The following POLE variants were observed in gnomAD, a reference collection of about 807,000 sequenced individuals.
POLE encodes the protein DNA polymerase epsilon, catalytic subunit.
In POLE, 188 loss-of-function variants were observed where a neutral mutation model predicts 279.2. That is an observed-to-expected ratio of 0.67 (90% CI 0.60 to 0.76). The LOEUF (loss-of-function observed/expected upper bound fraction) is 0.76. Among genes scored for constraint, POLE ranks in the 30% least tolerant of loss-of-function variants. POLE has a pLI of 0.00. For synonymous variants in POLE, 1,214 were observed against 1,172.5 expected (o/e 1.04, Z -0.72); for missense variants, 2,703 against 3,016.7 (o/e 0.90, Z 2.44).
At chr12:132,646,497 T>C (rs1200144348) in intron 32 of POLE, among the ~76,000 whole-genome samples, 1 of 148,262 alleles carries the variant, frequency 6.7e-6, no homozygotes, top group Non-Finnish European at 1.5e-5. Flanking sequence ...TCAAATAACA[T>C]CATTTTGTTC....
Position 132,673,296 on chromosome 12 carries a change from A to C in POLE, c.1360-19T>G, listed in dbSNP as rs2135997291. Reference sequence around the variant, plus strand: ...CCAGAGTCTGAGGAGAGAACGCCAGAGAGCAGGGCCATCAAAAATCAAGAG... The same window carrying C: ...CCAGAGTCTGAGGAGAGAACGCCAGCGAGCAGGGCCATCAAAAATCAAGAG... On this transcript the variant is annotated intron_variant, in intron 13 of 48. Transcript: ENST00000320574. The C allele has an allele frequency of 6.6e-7, 1 of 1,513,928 alleles. No homozygotes were observed. 93.8% of individuals were successfully genotyped at this position (1,513,928 alleles called of 1,614,324 possible). A position where few individuals can be genotyped will look rare whatever the true frequency, so the allele number is the denominator to read the frequency against.
At chr12:132,631,381 G>T (rs4883626) in intron 45 of POLE, among the ~76,000 whole-genome samples, 2 of 152,012 alleles carry the variant, frequency 1.3e-5, no homozygotes, top group African/African-American at 4.8e-5. Context: ...AAAAATCACA[G>T]AACTGCACGC....
At chr12:132,667,447 G>A (rs1593789717) in intron 20 of POLE, 56 bp downstream of exon 20, 1 of 1,589,480 alleles carries the variant, frequency 6.3e-7, no homozygotes, top group Admixed American at 1.7e-5. Context: ...CCCACTTCAT[G>A]AGCCGACTGA....
chr12:132,632,280 G>A (rs923238713), intron 45 of POLE, 35 bp downstream of exon 45: 2 of 1,536,930 alleles, frequency 1.3e-6, no homozygotes, highest in Admixed American at 1.7e-5. Flanking sequence ...ATGTACGTTA[G>A]TGTCCTCTCC....
At chr12:132,651,278 T>C (rs1191680059) in intron 29 of POLE, 1 of 152,366 alleles carries the variant, frequency 6.6e-6, no homozygotes, top group Admixed American at 6.5e-5. Context: ...TGATTTATCA[T>C]ATAAACACAT....
intron 20 of POLE, among the ~76,000 whole-genome samples, chr12:132,667,098 G>A (rs998369424): frequency 5.3e-5 from 8 of 152,106 alleles, no homozygotes; most frequent in South Asian, 2.1e-4. Flanking sequence ...AGTTAAACAC[G>A]AGGGGCCGGA....
chr12:132,645,574 A>C (rs769667575), intron 32 of POLE, among the ~76,000 whole-genome samples: 1 of 152,240 alleles, frequency 6.6e-6, no homozygotes, highest in Admixed American at 6.5e-5. Context: ...GGGCACTGGA[A>C]TTAACCGTGT....
chr12:132,675,349 T>C lies in POLE; in HGVS notation c.1226+49A>G. On this transcript the variant is annotated intron_variant, in intron 12 of 48. Transcript: ENST00000320574. This position sits in a 1 kb window ranked among gnomAD's most constrained non-coding sequence, Gnocchi z 4.3. Reference sequence around the variant, plus strand: ...GCACAGTCTGCAAGAGGCCTTCAGATCTCGCTCACGGACAGCAGTGAGGAG... The same window carrying C: ...GCACAGTCTGCAAGAGGCCTTCAGACCTCGCTCACGGACAGCAGTGAGGAG... 1 of 1,597,974 alleles carries C rather than the reference T, an allele frequency of 6.3e-7. No homozygotes were observed.
In POLE at chr12:132,634,309, C is replaced by T. The variant is rs751554656; in HGVS notation, c.5881G>A (p.Gly1961Arg). ...ENEDDEEERDGEEEEEAEESN... is the reference protein window; with the variant it reads ...ENEDDEEERDREEEEEAEESN... ...TCCTCCGCCTCTTCCTCCTCCTCCC[C>T]ATCTCTTTCCTCCTCATCGTCCTCA... The change falls in exon 43 of 49, where the codon GGG becomes AGG. Residue 1961 changes from glycine to arginine, a missense_variant. Gly to Arg is a moderately radical substitution (Grantham distance 125). Coordinates refer to ENST00000320574, the MANE Select transcript of POLE (RefSeq NM_006231.4). The surrounding 1 kb of genome is among the most constrained non-coding windows in gnomAD (Gnocchi z 4.0). 6.2e-7 allele frequency: 1 copy of T among 1,614,192 alleles called. No individual in the cohort carries two copies. The highest frequency in any genetic ancestry group is 8.5e-7 in the Non-Finnish European group (1 of 1,180,004).
Position 132,634,330 on chromosome 12 carries a change from C to A in POLE, c.5860G>T (p.Asp1954Tyr), listed in dbSNP as rs1262379825. 4 of 1,614,172 alleles carry A rather than the reference C, an allele frequency of 2.5e-6. No individual in the cohort carries two copies. The Admixed American group carries it at 6.7e-5, about 27-fold the overall frequency. Residue 1954 changes from aspartate (D) to tyrosine (Y), a missense_variant, in exon 43 of 49, where the codon GAC (aspartate) becomes TAC (tyrosine). By Grantham distance (160) the Asp-to-Tyr change is radical. This residue lies in a region of POLE where 1,551 missense variants were observed against 1,686.1 expected (regional missense o/e 0.92). Transcript: ENST00000320574. This position sits in a 1 kb window ranked among gnomAD's most constrained non-coding sequence, Gnocchi z 4.0. The part of the protein sequence containing the change: ...GGAEDEQENE[D>Y]DEEERDGEEE... ...TCCCCATCTCTTTCCTCCTCATCGTCCTCATTTTCCTGCTCATCCTCTGCT... is the reference window on the plus strand; with the variant it reads ...TCCCCATCTCTTTCCTCCTCATCGTACTCATTTTCCTGCTCATCCTCTGCT...
In POLE at chr12:132,649,324, A is replaced by G. The variant is rs1555223929; in HGVS notation, c.3987T>C (p.Leu1329=). 1.9e-6 allele frequency: 3 copies of G among 1,613,518 alleles called. No individual in the cohort carries two copies. In the Admixed American group the frequency reaches 5.0e-5, roughly 27 times the overall value. ...TCTATACCTGCACAATCTGCCACGG[A>G]AGGTCCAGGATGCTGCGGGCAGTTC... is the stretch of plus-strand genomic sequence containing the variant. ...LRRTARSILD[L]PWQIVQISET... is the part of the protein sequence containing the mutation. Residue 1329 remains leucine (L), a synonymous_variant, in exon 31 of 49, where the codon CTT becomes CTC. Transcript: ENST00000320574.
intron 16 of POLE, among the ~76,000 whole-genome samples, chr12:132,671,552 C>T (rs2042927862): frequency 6.6e-6 from 1 of 151,350 alleles, no homozygotes; most frequent in Admixed American, 6.6e-5. Flanking sequence ...GCCTGTAATC[C>T]CAGCTACTGG....
At chr12:132,625,530 C>G in intron 47 of POLE, 115 bp downstream of exon 47, 1 of 1,354,506 alleles carries the variant, frequency 7.4e-7, no homozygotes, top group Non-Finnish European at 1.0e-6. Flanking sequence ...AGGGCAGGCC[C>G]CTTGGAAGAC....
rs373808043 is a variant in POLE at position 132,664,955 on chromosome 12, G to C, written c.2468+347C>G. Among the ~76,000 whole-genome samples, 15 of 148,532 alleles carry C rather than the reference G, an allele frequency of 1.0e-4. No homozygotes were observed. The East Asian group carries it at 1.4e-3, about 14-fold the overall frequency. On this transcript the variant is annotated intron_variant, in intron 21 of 48. Coordinates refer to ENST00000320574, the MANE Select transcript of POLE (RefSeq NM_006231.4). The surrounding 1 kb of genome is among the most constrained non-coding windows in gnomAD (Gnocchi z 5.3). Reference sequence around the variant, plus strand: ...CTTCTCTGCCCCTCCCGGACACGCAGACATGCTGTGAAGCAACTGCCCGAC... The same window carrying C: ...CTTCTCTGCCCCTCCCGGACACGCACACATGCTGTGAAGCAACTGCCCGAC...
At position 132,668,010 on chromosome 12, in the gene POLE, G is replaced by A. The variant is rs2042834894; in HGVS notation, c.2173+346C>T. 6.6e-6 allele frequency among the ~76,000 whole-genome samples: 1 copy of A among 152,088 alleles called. No homozygotes were observed. The highest frequency in any genetic ancestry group is 2.4e-5 in the African/African-American group (1 of 41,380). On this transcript the variant is annotated intron_variant, in intron 19 of 48. Coordinates refer to ENST00000320574, the MANE Select transcript of POLE (RefSeq NM_006231.4). The surrounding 1 kb of genome is among the most constrained non-coding windows in gnomAD (Gnocchi z 4.0). ...AGATGGGAGGATTGCCGGTGCCTGG[G>A]AGGTTGAGGCTGCAGTGAGCCAAGA...
intron 48 of POLE, 45 bp from the exon 49 acceptor site, chr12:132,624,855 AGGAG>A (rs199947622): frequency 0.15 from 232,531 of 1,586,560 alleles, 17,668 homozygotes; most frequent in Admixed American, 0.21. Flanking sequence ...CCACTCAGAG[AGGAG>A]GCCAAGGAGG....
In POLE at chr12:132,675,682, C is replaced by T. The variant is rs372996840; in HGVS notation, c.1106+53G>A. The T allele has an allele frequency of 1.7e-5, 26 of 1,570,764 alleles. No individual in the cohort carries two copies. Among genetic ancestry groups the T allele is most frequent in the African/African-American group, 6.8e-5 (5 of 74,030 alleles). On this transcript the variant is annotated intron_variant, in intron 11 of 48. Transcript: ENST00000320574. This position sits in a 1 kb window ranked among gnomAD's most constrained non-coding sequence, Gnocchi z 4.3. ...TGGGAAGCGCCCCTGCACCACGCAACGCCCTCCCTCTCAAATGCTGCCCAG... is the reference window on the plus strand; with the variant it reads ...TGGGAAGCGCCCCTGCACCACGCAATGCCCTCCCTCTCAAATGCTGCCCAG...
At chr12:132,632,876 C>G in intron 43 of POLE, 81 bp from the exon 44 acceptor site, 7 of 1,452,474 alleles carry the variant, frequency 4.8e-6, no homozygotes, top group African/African-American at 1.4e-5. Context: ...CATGGCTGGT[C>G]AGATTGCCTC....
chr12:132,687,123 C>T (rs1480784850), intron 1 of POLE, 131 bp downstream of exon 1: 7 of 474,964 alleles, frequency 1.5e-5, no homozygotes, highest in East Asian at 4.5e-5. Context: ...CGCCCTACCC[C>T]AGTCAGGCGC....
Sources: allele counts gnomAD v4.1 joint callset (sites outside exome capture counted in the v4.1 genomes callset), GRCh38; gene constraint gnomAD v4.1.1; regional missense constraint gnomAD v4.1.1; non-coding constraint Gnocchi (gnomAD v3.1); transcripts MANE v1.5; gene names NCBI Gene and HGNC (gene_info 2026-07-23, HGNC 2026-07-21).